The following SPATA31H1 variants were observed in gnomAD, a reference collection of about 807,000 sequenced individuals.
SPATA31H1 encodes spermatogenesis-associated protein 31H1.
the SPATA31H1 span, among the ~76,000 whole-genome samples, chr2:27,541,064 C>T: frequency 5.6e-5 from 8 of 143,228 alleles, no homozygotes; most frequent in East Asian, 1.7e-3. Flanking sequence ...TTGTAGCGAG[C>T]CAAGATCACG....
chr2:27,579,549 A>C, the SPATA31H1 span: 1 of 1,614,164 alleles, frequency 6.2e-7, no homozygotes, highest in South Asian at 1.1e-5. Flanking sequence ...ATACTCTGGG[A>C]CTAGAGTGAG....
the SPATA31H1 span, chr2:27,580,949 T>C: frequency 5.1e-5 from 82 of 1,614,074 alleles, no homozygotes; most frequent in Non-Finnish European, 6.3e-5. Flanking sequence ...AGCCCACAGA[T>C]TCCCAAAGTG....
At chr2:27,560,801 A>T in the SPATA31H1 span, among the ~76,000 whole-genome samples, 1 of 152,156 alleles carries the variant, frequency 6.6e-6, no homozygotes, top group Non-Finnish European at 1.5e-5. Context: ...GGCACCATCA[A>T]TCAGTCCAGG....
chr2:27,566,688 G>A, the SPATA31H1 span: 17 of 534,202 alleles, frequency 3.2e-5, no homozygotes, highest in African/African-American at 5.9e-5. Flanking sequence ...CACTTTTTTC[G>A]TTTTCCTATT....
At chr2:27,566,739 A>G in the SPATA31H1 span, 3 of 675,194 alleles carry the variant, frequency 4.4e-6, no homozygotes, top group Middle Eastern at 4.8e-4. Flanking sequence ...TCTTAGATCA[A>G]GGCTTGTGGA....
chr2:27,579,504 T>C, the SPATA31H1 span: 2 of 1,614,232 alleles, frequency 1.2e-6, no homozygotes, highest in Non-Finnish European at 1.7e-6. Flanking sequence ...CTTAAGGATA[T>C]GGACACGTGG....
the SPATA31H1 span, chr2:27,570,440 T>A: frequency 2.5e-6 from 1 of 398,940 alleles, no homozygotes; most frequent in Non-Finnish European, 4.4e-6. Flanking sequence ...ATTCTGCGGA[T>A]CAAACTCCAG....
At chr2:27,541,332 C>A in the SPATA31H1 span, among the ~76,000 whole-genome samples, 2 of 150,688 alleles carry the variant, frequency 1.3e-5, no homozygotes, top group African/African-American at 4.9e-5. Flanking sequence ...TGCAGTGAGC[C>A]GAGATGGCAG....
At chr2:27,567,988 C>G in the SPATA31H1 span, 10 of 398,864 alleles carry the variant, frequency 2.5e-5, no homozygotes, top group Non-Finnish European at 4.4e-5. Context: ...CCCAAACCAC[C>G]AAATCAAGTC....
At chr2:27,582,537 C>T in the SPATA31H1 span, 13 of 1,576,422 alleles carry the variant, frequency 8.2e-6, no homozygotes, top group Non-Finnish European at 1.0e-5. Flanking sequence ...AGGCGAGGTC[C>T]GCCCCTATTA....
chr2:27,574,187 A>G, the SPATA31H1 span: 2 of 398,500 alleles, frequency 5.0e-6, no homozygotes, highest in Non-Finnish European at 8.9e-6. Flanking sequence ...AATTAATGGA[A>G]TGCAACTCAG....
the SPATA31H1 span, chr2:27,581,769 A>C: frequency 2.5e-6 from 4 of 1,612,088 alleles, no homozygotes; most frequent in Non-Finnish European, 3.4e-6. Flanking sequence ...CTCAGAGAGA[A>C]GCCATCACAG....
the SPATA31H1 span, chr2:27,578,851 A>T: frequency 1.2e-5 from 20 of 1,614,046 alleles, no homozygotes; most frequent in Admixed American, 1.7e-5. Context: ...GGGATACAGG[A>T]AGTATCCAGA....
the SPATA31H1 span, chr2:27,574,037 A>G: frequency 2.5e-6 from 1 of 398,450 alleles, no homozygotes; most frequent in Non-Finnish European, 4.4e-6. Flanking sequence ...CCAGTTCACA[A>G]TTGAAAGATA....
At chr2:27,581,447 C>CTCAG in the SPATA31H1 span, 5 of 1,614,046 alleles carry the variant, frequency 3.1e-6, no homozygotes, top group Non-Finnish European at 4.2e-6. Flanking sequence ...GTCACAGTCT[C>CTCAG]TCTGAAAGGG....
chr2:27,578,954 G>C, the SPATA31H1 span: 13 of 1,613,792 alleles, frequency 8.1e-6, no homozygotes, highest in Admixed American at 6.7e-5. Flanking sequence ...CTTTTCCTTT[G>C]GCCCTTCATA....
At chr2:27,579,393 A>G in the SPATA31H1 span, 1 of 1,614,240 alleles carries the variant, frequency 6.2e-7, no homozygotes, top group Non-Finnish European at 8.5e-7. Context: ...ACCTTCCCAG[A>G]GCCTGCCAGA....
the SPATA31H1 span, among the ~76,000 whole-genome samples, chr2:27,561,327 C>G: frequency 6.6e-6 from 1 of 151,782 alleles, no homozygotes. Context: ...AACTCTGTCT[C>G]AAAACAAAAA....
chr2:27,553,919 T>C, the SPATA31H1 span, among the ~76,000 whole-genome samples: 4 of 151,458 alleles, frequency 2.6e-5, 1 homozygote, highest in African/African-American at 9.8e-5. Flanking sequence ...AAAAACTCTG[T>C]CTCAAAAAAA....
Sources: allele counts gnomAD v4.1 joint callset (sites outside exome capture counted in the v4.1 genomes callset), GRCh38; gene constraint gnomAD v4.1.1; transcripts MANE v1.5; gene names NCBI Gene and HGNC (gene_info 2026-07-23, HGNC 2026-07-21).